The following HERC1 variants were observed in gnomAD, a reference collection of about 807,000 sequenced individuals.
The protein encoded by HERC1 is probable E3 ubiquitin-protein ligase HERC1.
HERC1 carries 160 observed loss-of-function variants against 554.3 expected under a neutral mutation model. That is an observed-to-expected ratio of 0.29 (90% CI 0.25 to 0.33). The LOEUF is 0.33. Among genes scored for constraint, HERC1 ranks in the 10% least tolerant of loss-of-function variants. HERC1 has a pLI of 1.00. For synonymous variants in HERC1, 2,175 were observed against 2,131.7 expected (o/e 1.02, Z -0.56); for missense variants, 4,919 against 5,918.5 (o/e 0.83, Z 5.54).
Position 63,693,947 on chromosome 15 carries a change from A to G in HERC1, c.5674+17T>C, listed in dbSNP as rs1435219927. ...TAAATGCTTGTAAGTAAAGACAGAGAAAGAGGCTTACATTACCTCTGAAAT... is the reference window on the plus strand; with the variant it reads ...TAAATGCTTGTAAGTAAAGACAGAGGAAGAGGCTTACATTACCTCTGAAAT... On this transcript the variant is annotated intron_variant, in intron 30 of 77. Transcript: ENST00000443617. 1 of 1,546,630 alleles carries G rather than the reference A, an allele frequency of 6.5e-7. No individual in the cohort carries two copies. Among genetic ancestry groups the G allele is most frequent in the Admixed American group, 2.0e-5 (1 of 49,814 alleles).
rs760696274 is a variant in HERC1, at chr15:63,694,272, A to C, written c.5480+40T>G. 315 of 1,583,562 alleles carry C rather than the reference A, an allele frequency of 2.0e-4. No homozygotes were observed. The highest frequency in any genetic ancestry group is 6.0e-5 in the Non-Finnish European group (70 of 1,163,240). On this transcript the variant is annotated intron_variant, in intron 29 of 77. Transcript: ENST00000443617. This position sits in a 1 kb window ranked among gnomAD's most constrained non-coding sequence, Gnocchi z 4.3. ...GGGAATTCTAAAATGGAGGAAGACC[A>C]GACTTCATACAGTTCTACAAAGACA... is the stretch of plus-strand genomic sequence containing the variant.
intron 4 of HERC1, among the ~76,000 whole-genome samples, chr15:63,757,514 G>A (rs550408372): frequency 1.5e-4 from 23 of 152,024 alleles, no homozygotes; most frequent in African/African-American, 4.3e-4. Context: ...CGATCCACCC[G>A]CCTTGGCCTC....
chr15:63,616,454 C>A lies in HERC1; in HGVS notation c.13917G>T (p.Gly4639=). 1.9e-6 allele frequency: 3 copies of A among 1,613,822 alleles called. No homozygotes were observed. The highest frequency in any genetic ancestry group is 2.5e-6 in the Non-Finnish European group (3 of 1,179,804). The change falls in exon 75 of 78, where the codon GGG becomes GGT. Residue 4639 remains glycine, a synonymous_variant. Transcript: ENST00000443617. ...CCTCATGGAAACTCTCCTCGGTAAT[C>A]CCACTGTCTTCAATGTGAAGAATGC... is the stretch of plus-strand genomic sequence containing the variant. ...LNSILHIEDS[G]ITEESFHEMI...
At chr15:63,805,214 T>C (rs1477915602) in intron 1 of HERC1, among the ~76,000 whole-genome samples, 1 of 152,188 alleles carries the variant, frequency 6.6e-6, no homozygotes, top group Non-Finnish European at 1.5e-5. Context: ...CATCATAATA[T>C]ATGCATACAA....
rs75316361 is a variant in HERC1, at chr15:63,738,965, C to A, written c.2521-4116G>T. On this transcript the variant is annotated intron_variant, in intron 12 of 77. Coordinates refer to ENST00000443617, the MANE Select transcript of HERC1 (RefSeq NM_003922.4). ...CCATTTGAGGGGATATGTCCCTCTA[C>A]TTGAAAAGTCAGTTTATTTTTTTTT... Among the ~76,000 whole-genome samples the A allele has an allele frequency of 6.2e-3, 796 of 128,812 alleles. 9 individuals carry two copies. Among genetic ancestry groups the A allele is most frequent in the African/African-American group, 0.023 (767 of 33,466 alleles). The allele number at this position is 128,812 out of a possible 152,430, so 84.5% of individuals were successfully genotyped here.
At chr15:63,619,240 C>T (rs1318165791) in intron 74 of HERC1, among the ~76,000 whole-genome samples, 3 of 152,086 alleles carry the variant, frequency 2.0e-5, no homozygotes, top group African/African-American at 7.2e-5. Context: ...CTTTTCTGCA[C>T]CTATTGAGAT....
At chr15:63,729,396 C>T (rs1432590311) in intron 15 of HERC1, 28 bp from the exon 16 acceptor site, 1 of 1,592,738 alleles carries the variant, frequency 6.3e-7, no homozygotes, top group South Asian at 1.1e-5. Flanking sequence ...TCCTAAATTA[C>T]TACTTTGAAA....
At position 63,638,475 on chromosome 15, in the gene HERC1, A is replaced by G. The variant is rs1479250785; in HGVS notation, c.12029T>C (p.Leu4010Pro). Residue 4010 changes from leucine (L) to proline (P), a missense_variant, in exon 63 of 78, where the codon CTG becomes CCG. Transcript: ENST00000443617. ...YLWGAGRHGQ[L>P]AEAGRNVMVP... ...CATTACATTTCTTCCAGCTTCTGCC[A>G]GCTGTCCATGCCTACCAGCACCCCA... The G allele has an allele frequency of 6.2e-7, 1 of 1,613,792 alleles. No individual in the cohort carries two copies. The highest frequency in any genetic ancestry group is 1.3e-5 in the African/African-American group (1 of 74,916).
At chr15:63,670,999 C>A (rs1467470872) in intron 39 of HERC1, among the ~76,000 whole-genome samples, 3 of 151,872 alleles carry the variant, frequency 2.0e-5, no homozygotes, top group African/African-American at 7.3e-5. Flanking sequence ...GTTGGGAGTT[C>A]GAGACCAGCC....
chr15:63,680,032 A>G lies in HERC1; in HGVS notation c.6549+45T>C, dbSNP rs1012337079. 1.3e-5 allele frequency: 17 copies of G among 1,350,922 alleles called. No homozygotes were observed. Among genetic ancestry groups the G allele is most frequent in the African/African-American group, 7.2e-5 (5 of 69,048 alleles). The allele number at this position is 1,350,922 out of a possible 1,614,324, so 83.7% of individuals were successfully genotyped here. On this transcript the variant is annotated intron_variant, in intron 36 of 77. Transcript: ENST00000443617. The surrounding 1 kb of genome is among the most constrained non-coding windows in gnomAD (Gnocchi z 5.8). ...TATAAACTCTATCTGATGCTAAACA[A>G]TAAAATAACAAATATTCTTAAATAA...
chr15:63,694,813 T>C lies in HERC1; in HGVS notation c.5203A>G (p.Thr1735Ala), dbSNP rs371084973. ...VHKIYQQLSA[T>A]LERALQANKH... ...TTTGCTTGCAGGGCTCTTTCCAGGG[T>C]AGCAGACAACTGTTGATAAATTTTA... is the stretch of plus-strand genomic sequence containing the variant. The change falls in exon 28 of 78, where the codon ACC becomes GCC. Residue 1735 changes from threonine (T) to alanine (A), a missense_variant. Physicochemically the swap from Thr to Ala is moderately conservative, Grantham distance 58. This residue lies in a region of HERC1 where 1,121 missense variants were observed against 1,244.0 expected (regional missense o/e 0.90). Coordinates refer to ENST00000443617, the MANE Select transcript of HERC1 (RefSeq NM_003922.4). The surrounding 1 kb of genome is among the most constrained non-coding windows in gnomAD (Gnocchi z 4.3). The C allele has an allele frequency of 6.2e-7, 1 of 1,613,830 alleles. No homozygotes were observed. Among genetic ancestry groups the C allele is most frequent in the African/African-American group, 1.3e-5 (1 of 74,926 alleles).
At chr15:63,744,164 G>GTGTGTGTGTGTGTCTCTCTCTCTCTCTC in intron 12 of HERC1, among the ~76,000 whole-genome samples, 5 of 46,304 alleles carry the variant, frequency 1.1e-4, no homozygotes, top group Non-Finnish European at 2.1e-4. Flanking sequence ...GTGTGTGTGT[G>GTGTGTGTGTGTGTCTCTCTCTCTCTCTC]TCTCTCTCTC....
chr15:63,779,357 A>C (rs74019013), intron 1 of HERC1, among the ~76,000 whole-genome samples: 1 of 152,198 alleles, frequency 6.6e-6, no homozygotes, highest in Non-Finnish European at 1.5e-5. Context: ...AAAGACCTCC[A>C]AGCAAAGAGA....
intron 34 of HERC1, among the ~76,000 whole-genome samples, chr15:63,684,093 G>A (rs926430034): frequency 6.6e-6 from 1 of 152,160 alleles, no homozygotes; most frequent in Admixed American, 6.6e-5. Context: ...TTTCTTGCAG[G>A]TATCCACGAA....
rs1351763750 is a variant in HERC1, at chr15:63,634,862, T to C, written c.12441A>G (p.Ala4147=). The C allele has an allele frequency of 6.2e-7, 1 of 1,613,592 alleles. No individual in the cohort carries two copies. The highest frequency in any genetic ancestry group is 8.5e-7 in the Non-Finnish European group (1 of 1,179,718). ...VQMSCGFKHS[A]VVTSDGKLFT... The stretch of plus-strand genomic sequence containing the variant: ...ACAGTTTGCCATCTGAAGTGACCAC[T>C]GCTGAGTGCTTGAAGCCACAAGACA... The change falls in exon 66 of 78, where the codon GCA becomes GCG. Residue 4147 remains alanine, a synonymous_variant. Transcript: ENST00000443617.
intron 1 of HERC1, among the ~76,000 whole-genome samples, chr15:63,793,333 A>G (rs1044043293): frequency 6.6e-6 from 1 of 152,234 alleles, no homozygotes; most frequent in Non-Finnish European, 1.5e-5. Context: ...CAAAACCAAG[A>G]TGGCCACGAA....
chr15:63,690,437 G>T, intron 32 of HERC1, 104 bp downstream of exon 32: 1 of 704,892 alleles, frequency 1.4e-6, no homozygotes, highest in Non-Finnish European at 2.4e-6. Context: ...TTATGCTATT[G>T]AATAAAAGAC....
intron 1 of HERC1, among the ~76,000 whole-genome samples, chr15:63,797,636 T>G (rs1266837675): frequency 1.3e-5 from 2 of 152,172 alleles, no homozygotes; most frequent in African/African-American, 4.8e-5. Context: ...ATACATCAAT[T>G]TGAATAATAA....
At chr15:63,622,179 G>A (rs911983531) in intron 74 of HERC1, among the ~76,000 whole-genome samples, 9 of 152,040 alleles carry the variant, frequency 5.9e-5, no homozygotes, top group African/African-American at 2.2e-4. Context: ...AATAAATTTT[G>A]GTGCAGAAAA....
Sources: gnomAD v4.1 joint callset for allele counts (sites outside exome capture counted in the v4.1 genomes callset) on GRCh38, gnomAD v4.1.1 for gene constraint, gnomAD v4.1.1 regional missense constraint, Gnocchi (gnomAD v3.1) non-coding constraint, MANE v1.5 for transcripts, NCBI Gene and HGNC (gene_info 2026-07-23, HGNC 2026-07-21) for gene names.